EXOC6B: variants seen among roughly 807,000 people sequenced by gnomAD.
EXOC6B encodes exocyst complex component 6B, also known as SEC15 homolog B.
EXOC6B carries 54 observed loss-of-function variants against 113.5 expected under a neutral mutation model. The observed-to-expected ratio is 0.48, with a 90% CI of 0.38 to 0.60. EXOC6B has a LOEUF of 0.60. Ranked by LOEUF, EXOC6B falls within the 20% of genes least tolerant of loss-of-function variation. The pLI, the probability that EXOC6B is intolerant of heterozygous loss-of-function variation, is 0.00. For missense variants in EXOC6B, 797 were observed against 977.5 expected, an observed-to-expected ratio of 0.82 and a Z score of 2.46; for synonymous variants, 357 against 339.0, an observed-to-expected ratio of 1.05 and a Z score of -0.58.
intron 18 of EXOC6B, among the ~76,000 whole-genome samples, chr2:72,410,006 C>T (rs544834543): frequency 2.6e-5 from 4 of 152,130 alleles, no homozygotes; most frequent in South Asian, 2.1e-4. Context: ...GAGGGACAAG[C>T]GCAAGTAAAA....
intron 20 of EXOC6B, among the ~76,000 whole-genome samples, chr2:72,185,598 C>T (rs376421609): frequency 1.3e-5 from 2 of 152,226 alleles, no homozygotes; most frequent in South Asian, 2.1e-4. Flanking sequence ...AACGGCCCCT[C>T]AGGCCATTTT....
At chr2:72,380,023 T>C (rs1218128004) in intron 18 of EXOC6B, among the ~76,000 whole-genome samples, 153 bp from the exon 19 acceptor site, 3 of 152,190 alleles carry the variant, frequency 2.0e-5, no homozygotes, top group African/African-American at 7.2e-5. Flanking sequence ...ATCTTGGAAT[T>C]AAAGCATCTG....
At chr2:72,734,267 T>C (rs1680818470) in intron 2 of EXOC6B, among the ~76,000 whole-genome samples, 1 of 152,104 alleles carries the variant, frequency 6.6e-6, no homozygotes, top group African/African-American at 2.4e-5. Context: ...TCTGAACTCC[T>C]CCAGGAAGCC....
chr2:72,451,023 C>T lies in EXOC6B; in HGVS notation c.1980+14137G>A, dbSNP rs187458478. ...TCACAATTACTTGTACCCTAGGGAA[C>T]CGATACCTCCTATTTCCTTTACCAC... On this transcript the variant is annotated intron_variant, in intron 18 of 21. Transcript: ENST00000272427. 3.9e-3 allele frequency among the ~76,000 whole-genome samples: 596 copies of T among 152,266 alleles called. 3 individuals carry two copies. Among genetic ancestry groups the T allele is most frequent in the Non-Finnish European group, 6.0e-3 (410 of 68,008 alleles).
intron 6 of EXOC6B, among the ~76,000 whole-genome samples, chr2:72,586,559 T>C (rs1213388082): frequency 1.3e-5 from 2 of 152,036 alleles, no homozygotes; most frequent in African/African-American, 4.8e-5. Context: ...GAGACCATCC[T>C]GGTCAACATG....
At chr2:72,404,157 G>A (rs1558634337) in intron 18 of EXOC6B, among the ~76,000 whole-genome samples, 1 of 152,270 alleles carries the variant, frequency 6.6e-6, no homozygotes, top group East Asian at 1.9e-4. Context: ...CGGGGAGGCT[G>A]GGGGAGGGGC....
At chr2:72,575,447 T>C (rs753053896) in intron 7 of EXOC6B, 45 bp downstream of exon 7, 30 of 1,566,914 alleles carry the variant, frequency 1.9e-5, no homozygotes, top group Non-Finnish European at 2.6e-5. Flanking sequence ...CCATACTATT[T>C]AAGCTTAAAA....
rs75546915 is a variant in EXOC6B, at chr2:72,254,433, C to T, written c.2197-70246G>A. On this transcript the variant is annotated intron_variant, in intron 20 of 21. Transcript: ENST00000272427. ...TCCCTTAGAGCCTTCAGAAGGACAA[C>T]GGCTCTGCCAATGCCTTGATTTCAG... Among the ~76,000 whole-genome samples, 735 of 152,298 alleles carry T rather than the reference C, an allele frequency of 4.8e-3. 8 individuals carry two copies. The highest frequency in any genetic ancestry group is 0.016 in the African/African-American group (670 of 41,576).
Position 72,571,629 on chromosome 2 carries a change from C to G in EXOC6B, c.846+3863G>C, listed in dbSNP as rs375380581. On this transcript the variant is annotated intron_variant, in intron 7 of 21. Coordinates refer to ENST00000272427, the MANE Select transcript of EXOC6B (RefSeq NM_015189.3). ...AGACTGACTCTTAAACTTCAATAAG[C>G]TGAGGGTGGGGAAGAGAAAAAAAGA... is the stretch of plus-strand genomic sequence containing the variant. Among the ~76,000 whole-genome samples the G allele has an allele frequency of 3.9e-5, 6 of 152,072 alleles. No homozygotes were observed. In the South Asian group the frequency reaches 8.3e-4, roughly 21 times the overall value.
At chr2:72,535,114 C>T (rs1266984773) in intron 8 of EXOC6B, among the ~76,000 whole-genome samples, 1 of 152,136 alleles carries the variant, frequency 6.6e-6, no homozygotes, top group Non-Finnish European at 1.5e-5. Context: ...CATCTCTTTG[C>T]CTATTTTAAC....
At chr2:72,672,546 CAAAA>C (rs60924280) in intron 6 of EXOC6B, among the ~76,000 whole-genome samples, 13 of 88,522 alleles carry the variant, frequency 1.5e-4, no homozygotes, top group Admixed American at 2.5e-4. Context: ...GACTCTGTCT[CAAAA>C]AAAAAAAAAA....
At chr2:72,636,423 A>G (rs988091538) in intron 6 of EXOC6B, among the ~76,000 whole-genome samples, 3 of 150,470 alleles carry the variant, frequency 2.0e-5, no homozygotes, top group African/African-American at 7.3e-5. Flanking sequence ...AGGGAGGACG[A>G]GAAGAGGAGG....
At chr2:72,341,031 G>A (rs1206491596) in intron 19 of EXOC6B, among the ~76,000 whole-genome samples, 1 of 152,128 alleles carries the variant, frequency 6.6e-6, no homozygotes, top group Admixed American at 6.5e-5. Flanking sequence ...AGGTGGAAGG[G>A]AAAAGCTCCT....
chr2:72,359,537 A>G (rs575735985), intron 19 of EXOC6B, among the ~76,000 whole-genome samples: 10 of 152,204 alleles, frequency 6.6e-5, no homozygotes, highest in Non-Finnish European at 1.5e-4. Context: ...ACCTAGTCCC[A>G]AGCATTTTGT....
At chr2:72,525,479 C>T (rs1297714896) in intron 8 of EXOC6B, among the ~76,000 whole-genome samples, 1 of 152,088 alleles carries the variant, frequency 6.6e-6, no homozygotes, top group Non-Finnish European at 1.5e-5. Context: ...TACAACTTAC[C>T]TACCTGGCTA....
intron 1 of EXOC6B, among the ~76,000 whole-genome samples, chr2:72,743,611 G>C (rs1321913295): frequency 2.6e-5 from 4 of 152,124 alleles, no homozygotes; most frequent in Admixed American, 6.6e-5. Context: ...CAACTAGATT[G>C]TAAGTTCAAG....
At chr2:72,761,097 T>C (rs1239012706) in intron 1 of EXOC6B, among the ~76,000 whole-genome samples, 3 of 152,096 alleles carry the variant, frequency 2.0e-5, no homozygotes, top group Admixed American at 1.3e-4. Context: ...GGAGAATCAC[T>C]TGAACCCAGG....
chr2:72,801,042 G>A (rs1685246312), intron 1 of EXOC6B, among the ~76,000 whole-genome samples: 1 of 152,144 alleles, frequency 6.6e-6, no homozygotes, highest in Non-Finnish European at 1.5e-5. Context: ...ACAGTGCTTA[G>A]GAATATCAGA....
chr2:72,546,311 T>C (rs1300521391), intron 8 of EXOC6B, among the ~76,000 whole-genome samples: 2 of 152,078 alleles, frequency 1.3e-5, no homozygotes, highest in Non-Finnish European at 2.9e-5. Flanking sequence ...TAGCCAGACG[T>C]GGTGGCACGT....
Sources: gnomAD v4.1 joint callset for allele counts (sites outside exome capture counted in the v4.1 genomes callset) on GRCh38, gnomAD v4.1.1 for gene constraint, MANE v1.5 for transcripts, NCBI Gene and HGNC (gene_info 2026-07-23, HGNC 2026-07-21) for gene names.